The following YEATS2 variants were observed in gnomAD, a reference collection of about 807,000 sequenced individuals.
YEATS2 encodes the protein YEATS domain-containing protein 2.
YEATS2 carries 77 observed loss-of-function variants against 163.2 expected under a neutral mutation model. That is an observed-to-expected ratio of 0.47 (90% CI 0.39 to 0.57). YEATS2 has a LOEUF of 0.57. YEATS2 is among the 20% of genes least tolerant of loss of function. The pLI is 0.00. For missense variants in YEATS2, 1,549 were observed against 1,729.8 expected, an observed-to-expected ratio of 0.90 and a Z score of 1.85; for synonymous variants, 631 against 645.1, an observed-to-expected ratio of 0.98 and a Z score of 0.33.
intron 9 of YEATS2, among the ~76,000 whole-genome samples, chr3:183,748,328 C>A (rs796085816): frequency 6.7e-6 from 1 of 149,290 alleles, no homozygotes. Flanking sequence ...AATCTTGGCT[C>A]ACTGCAACCT....
At chr3:183,717,039 C>A (rs568786514) in intron 2 of YEATS2, among the ~76,000 whole-genome samples, 6 of 151,882 alleles carry the variant, frequency 4.0e-5, no homozygotes, top group Non-Finnish European at 7.4e-5. Flanking sequence ...ATTACAGGTA[C>A]CCCCCACTAC....
intron 23 of YEATS2, among the ~76,000 whole-genome samples, chr3:183,799,817 GTTTT>G (rs71629992): frequency 1.5e-5 from 2 of 133,052 alleles, no homozygotes; most frequent in Non-Finnish European, 3.2e-5. Flanking sequence ...GAGTAGCATT[GTTTT>G]TTTTTTTTTT....
intron 4 of YEATS2, 125 bp from the exon 5 acceptor site, chr3:183,721,766 G>A (rs553855351): frequency 1.9e-5 from 24 of 1,262,362 alleles, no homozygotes; most frequent in Non-Finnish European, 2.5e-5. Flanking sequence ...TTTTATGGAT[G>A]TGGGGAGATT....
chr3:183,711,388 G>A (rs1715197580), intron 1 of YEATS2, among the ~76,000 whole-genome samples: 1 of 151,032 alleles, frequency 6.6e-6, no homozygotes, highest in Non-Finnish European at 1.5e-5. Flanking sequence ...CAGGAGAATG[G>A]CGTGAACCCG....
chr3:183,809,600 AC>A (rs1165337908), intron 30 of YEATS2: 1 of 158,978 alleles, frequency 6.3e-6, no homozygotes, highest in Non-Finnish European at 1.4e-5. Flanking sequence ...TACCCAGCTT[AC>A]CCAGCAAATA....
intron 19 of YEATS2, among the ~76,000 whole-genome samples, chr3:183,779,130 C>G (rs138449346): frequency 6.6e-6 from 1 of 151,596 alleles, no homozygotes; most frequent in Non-Finnish European, 1.5e-5. Context: ...AGGCTGGTCT[C>G]GAACTCCTGA....
Position 183,762,142 on chromosome 3 carries a change from A to G in YEATS2, c.1810A>G (p.Thr604Ala). The G allele has an allele frequency of 6.2e-7, 1 of 1,614,152 alleles. No individual in the cohort carries two copies. Among genetic ancestry groups the G allele is most frequent in the Non-Finnish European group, 8.5e-7 (1 of 1,180,026 alleles). ...EPGEAPHVPA[T>A]GAASQSPLPQ... is the part of the protein sequence containing the mutation. ...TGGTGAAGCCCCTCACGTGCCCGCA[A>G]CAGGAGCTGCCAGCCAGTCACCACT... Residue 604 changes from threonine (T) to alanine (A), a missense_variant, in exon 15 of 31, where the codon ACA (threonine) becomes GCA (alanine). Transcript: ENST00000305135.
Position 183,717,657 on chromosome 3 carries a change from A to T in YEATS2, c.107A>T (p.Asp36Val). 6.4e-7 allele frequency: 1 copy of T among 1,566,916 alleles called. No homozygotes were observed. The highest frequency in any genetic ancestry group is 1.4e-5 in the African/African-American group (1 of 71,940). Residue 36 changes from aspartate to valine, a missense_variant, in exon 3 of 31, where the codon GAT becomes GTT. By Grantham distance (152) the Asp-to-Val change is radical. Transcript: ENST00000305135. ...RHKAIENSAR[D>V]AAVQKIETII... ...TTTTATGTTCTTTGTACAGCTCGAG[A>T]TGCTGCTGTGCAGAAGATTGAGACT... is the stretch of plus-strand genomic sequence containing the variant.
intron 27 of YEATS2, 89 bp downstream of exon 27, chr3:183,804,277 G>A (rs1725969685): frequency 2.7e-5 from 41 of 1,506,368 alleles, no homozygotes; most frequent in Non-Finnish European, 3.4e-5. Context: ...AAGAGTTGCT[G>A]TAGAGAACGA....
rs780021809 is a variant in YEATS2, at chr3:183,800,455, T to C, written c.3326-11T>C. The C allele has an allele frequency of 6.2e-5, 100 of 1,609,472 alleles. No homozygotes were observed. Among genetic ancestry groups the C allele is most frequent in the Middle Eastern group, 5.0e-4 (3 of 6,060 alleles). ...CCTAACAGCTGCCTCTTTGTTGCTC[T>C]TCCCTTGTAGTGAAGACTGAACCAG... On this transcript the variant is annotated splice_polypyrimidine_tract_variant and intron_variant, in intron 23 of 30. Transcript: ENST00000305135.
In YEATS2 at chr3:183,712,204, T is replaced by TTATGTTATGTTATGTTATGTTATGTTATG. The variant is rs1560220692; in HGVS notation, c.-19-2939_-19-2938insATGTTATGTTATGTTATGTTATGTTATGT. ...TTTATGTTCTTTTATTTTATTTTATTTTATTTTATTTTATTTTATTTTTTG... is the reference window on the plus strand; with the variant it reads ...TTTATGTTCTTTTATTTTATTTTATTTATGTTATGTTATGTTATGTTATGTTATGTTATTTTATTTTATTTTATTTTTTG... On this transcript the variant is annotated intron_variant, in intron 1 of 30. Transcript: ENST00000305135. Among the ~76,000 whole-genome samples, 12 of 104,268 alleles carry TTATGTTATGTTATGTTATGTTATGTTATG rather than the reference T, an allele frequency of 1.2e-4. 1 individual carries two copies. The highest frequency in any genetic ancestry group is 4.5e-4 in the African/African-American group (12 of 26,810). 68.4% of individuals were successfully genotyped at this position (104,268 alleles called of 152,430 possible).
At chr3:183,718,986 T>C (rs541400930) in intron 4 of YEATS2, among the ~76,000 whole-genome samples, 13 of 151,954 alleles carry the variant, frequency 8.6e-5, no homozygotes, top group Non-Finnish European at 1.8e-4. Context: ...TGAGCCACCA[T>C]GCCTGGCCTA....
intron 6 of YEATS2, among the ~76,000 whole-genome samples, chr3:183,727,581 C>G (rs958912710): frequency 5.3e-5 from 8 of 152,092 alleles, no homozygotes; most frequent in African/African-American, 1.7e-4. Flanking sequence ...CAACTTGGCC[C>G]CCCCATATCA....
intron 19 of YEATS2, among the ~76,000 whole-genome samples, chr3:183,779,067 C>T (rs1188321413): frequency 6.6e-6 from 1 of 151,972 alleles, no homozygotes; most frequent in Admixed American, 6.6e-5. Flanking sequence ...TCCACCACCA[C>T]GCCCAGCTAA....
intron 7 of YEATS2, among the ~76,000 whole-genome samples, chr3:183,733,858 G>A (rs1207425681): frequency 6.6e-6 from 1 of 151,392 alleles, no homozygotes; most frequent in Non-Finnish European, 1.5e-5. Flanking sequence ...TTTTTTTTTA[G>A]GTACAAGATA....
intron 15 of YEATS2, among the ~76,000 whole-genome samples, chr3:183,769,574 C>A (rs1479047242): frequency 6.6e-6 from 1 of 152,198 alleles, no homozygotes; most frequent in Non-Finnish European, 1.5e-5. Context: ...AAATAACTTA[C>A]CTAGCTACTA....
rs937352956 is a variant in YEATS2 at position 183,759,091 on chromosome 3, A to G, written c.1656+126A>G. On this transcript the variant is annotated intron_variant, in intron 13 of 30. Coordinates refer to ENST00000305135, the MANE Select transcript of YEATS2 (RefSeq NM_018023.5). ...AGGCTGTATCGAACTCCTGGCCTCA[A>G]GAGATCTGCCACCTCACCTGCCAGG... 3.2e-5 allele frequency: 20 copies of G among 622,344 alleles called. No homozygotes were observed. The African/African-American group carries it at 3.5e-4, about 11-fold the overall frequency. 38.6% of individuals were successfully genotyped at this position (622,344 alleles called of 1,614,324 possible).
intron 15 of YEATS2, among the ~76,000 whole-genome samples, chr3:183,770,153 C>T (rs1392575279): frequency 1.3e-5 from 2 of 151,536 alleles, no homozygotes; most frequent in Admixed American, 6.6e-5. Flanking sequence ...CTTTGGGAGG[C>T]CGAGGCGGGC....
chr3:183,763,979 A>G (rs1414586247), intron 15 of YEATS2, among the ~76,000 whole-genome samples: 1 of 152,076 alleles, frequency 6.6e-6, no homozygotes, highest in Non-Finnish European at 1.5e-5. Context: ...GAGGCAGGAG[A>G]ATCACTTGAA....
Sources: allele counts gnomAD v4.1 joint callset (sites outside exome capture counted in the v4.1 genomes callset), GRCh38; gene constraint gnomAD v4.1.1; transcripts MANE v1.5; gene names NCBI Gene and HGNC (gene_info 2026-07-23, HGNC 2026-07-21).